Variants in SLC9B1 observed in about 807,000 individuals in gnomAD.
SLC9B1 encodes sodium/hydrogen exchanger 9B1.
Under a neutral mutation model 51.7 loss-of-function variants are expected in SLC9B1, and 32 were observed. The ratio of observed to expected loss-of-function variants is 0.62; its 90% CI spans 0.47 to 0.83. The LOEUF (loss-of-function observed/expected upper bound fraction) is 0.83, where lower values mean the gene tolerates loss of function less well. SLC9B1 is among the 40% of genes least tolerant of loss of function. SLC9B1 has a pLI of 0.00. For synonymous variants in SLC9B1, 145 were observed against 212.7 expected, an observed-to-expected ratio of 0.68 and a Z score of 2.77; for missense variants, 406 against 613.2, an observed-to-expected ratio of 0.66 and a Z score of 3.57.
At chr4:102,992,670 G>T (rs904750642) in intron 1 of SLC9B1, among the ~76,000 whole-genome samples, 2 of 152,050 alleles carry the variant, frequency 1.3e-5, no homozygotes, top group African/African-American at 4.8e-5. Flanking sequence ...TAAAAATTTT[G>T]ATCAGAAACT....
intron 11 of SLC9B1, chr4:102,889,112 A>G (rs1234246411): frequency 2.0e-5 from 3 of 152,240 alleles, no homozygotes; most frequent in Non-Finnish European, 4.4e-5. Context: ...TGATCGTAAC[A>G]TCTTCATGAC....
At chr4:102,905,926 T>C (rs1255384662) in intron 10 of SLC9B1, among the ~76,000 whole-genome samples, 2 of 152,058 alleles carry the variant, frequency 1.3e-5, no homozygotes, top group Non-Finnish European at 2.9e-5. Context: ...TGAATACTTT[T>C]ATTATTAATA....
At chr4:102,970,175 A>C (rs1376884411) in intron 3 of SLC9B1, among the ~76,000 whole-genome samples, 1 of 152,212 alleles carries the variant, frequency 6.6e-6, no homozygotes, top group Non-Finnish European at 1.5e-5. Flanking sequence ...CAACCCCAAG[A>C]CACATAATTG....
intron 7 of SLC9B1, among the ~76,000 whole-genome samples, chr4:102,920,602 C>G (rs1735822871): frequency 6.6e-6 from 1 of 152,158 alleles, no homozygotes; most frequent in East Asian, 1.9e-4. Context: ...TTGGTAATAA[C>G]AAACTTCTCC....
Position 102,993,723 on chromosome 4 carries a change from G to T in SLC9B1, c.-1-2011C>A, listed in dbSNP as rs577969992. On this transcript the variant is annotated intron_variant, in intron 1 of 11. Transcript: ENST00000296422. ...GGCTCTGCCACTGGAGTAAACTTCT[G>T]CCTGGATATCCAGGCATTTCTATAT... 2.0e-5 allele frequency among the ~76,000 whole-genome samples: 3 copies of T among 152,296 alleles called. No individual in the cohort carries two copies. In the South Asian group the frequency reaches 6.2e-4, roughly 32 times the overall value.
intron 10 of SLC9B1, 96 bp downstream of exon 10, chr4:102,906,437 CGTT>C: frequency 1.6e-6 from 1 of 622,144 alleles, no homozygotes; most frequent in East Asian, 3.3e-5. Flanking sequence ...TGAAGAAGGT[CGTT>C]GTAGCCAAAG....
In SLC9B1 at chr4:102,975,584, ATATTTTT is replaced by A. The variant is rs1216721351; in HGVS notation, c.211+14209_211+14215del. On this transcript the variant is annotated intron_variant, in intron 3 of 11. Transcript: ENST00000296422. ...TATATACATATATATATATATATATATATTTTTTTTTTTTTTTTTTTTTTTGAGGCTG... is the reference window on the plus strand; with the variant it reads ...TATATACATATATATATATATATATATTTTTTTTTTTTTTTTTTGAGGCTG... 8.7e-5 allele frequency among the ~76,000 whole-genome samples: 7 copies of A among 80,176 alleles called. No individual in the cohort carries two copies. The Admixed American group carries it at 8.8e-4, about 10-fold the overall frequency. The allele number at this position is 80,176 out of a possible 152,430, so 52.6% of individuals were successfully genotyped here. A position where few individuals can be genotyped will look rare whatever the true frequency, so the allele number is the denominator to read the frequency against.
chr4:102,974,242 G>GAAAAAAAAAA lies in SLC9B1; in HGVS notation c.211+15548_211+15557dup, dbSNP rs141412944. 4.3e-3 allele frequency among the ~76,000 whole-genome samples: 229 copies of GAAAAAAAAAA among 53,182 alleles called. 18 individuals are homozygous for GAAAAAAAAAA. The highest frequency in any genetic ancestry group is 6.5e-3 in the East Asian group (10 of 1,536). The allele number at this position is 53,182 out of a possible 152,430, so 34.9% of individuals were successfully genotyped here. A position where few individuals can be genotyped will look rare whatever the true frequency, so the allele number is the denominator to read the frequency against. ...ACAGAGCAAGACTCTGTCTAAAATTGAAAAAAAAAAAAAAAAAAAAAAAAT... is the reference window on the plus strand; with the variant it reads ...ACAGAGCAAGACTCTGTCTAAAATTGAAAAAAAAAAAAAAAAAAAAAAAAAAAAAAAAAAT... On this transcript the variant is annotated intron_variant, in intron 3 of 11. Transcript: ENST00000296422.
chr4:102,922,956 C>T (rs1370241732), intron 7 of SLC9B1, among the ~76,000 whole-genome samples: 1 of 152,110 alleles, frequency 6.6e-6, no homozygotes, highest in Non-Finnish European at 1.5e-5. Flanking sequence ...CAGATGGATT[C>T]ACAGCTGAAT....
chr4:102,991,628 C>T lies in SLC9B1; in HGVS notation c.69+15G>A, dbSNP rs1452778399. 1.3e-6 allele frequency: 2 copies of T among 1,534,256 alleles called. No homozygotes were observed. Among genetic ancestry groups the T allele is most frequent in the Admixed American group, 3.7e-5 (2 of 54,454 alleles). ...ATTTTATATCATATATTACAGTATA[C>T]TTTTAAGTTTTTACCTGAGGAGTTG... On this transcript the variant is annotated intron_variant, in intron 2 of 11. Transcript: ENST00000296422.
At chr4:102,930,277 G>T (rs545340642) in intron 7 of SLC9B1, among the ~76,000 whole-genome samples, 46 of 152,288 alleles carry the variant, frequency 3.0e-4, no homozygotes, top group African/African-American at 1.1e-3. Flanking sequence ...ACCCTGGTAG[G>T]ACATGATATT....
chr4:102,905,411 A>G, intron 11 of SLC9B1, 103 bp downstream of exon 11: 2 of 1,148,424 alleles, frequency 1.7e-6, no homozygotes, highest in Non-Finnish European at 1.3e-6. Context: ...TTTAAAAAGT[A>G]AGGATAATAG....
chr4:102,893,141 G>T (rs1212169133), intron 11 of SLC9B1, among the ~76,000 whole-genome samples: 1 of 151,732 alleles, frequency 6.6e-6, no homozygotes, highest in Non-Finnish European at 1.5e-5. Context: ...AATTAGCTGG[G>T]CATGATGGCG....
At chr4:102,951,410 A>G (rs1170117888) in intron 3 of SLC9B1, among the ~76,000 whole-genome samples, 8 of 152,208 alleles carry the variant, frequency 5.3e-5, no homozygotes, top group African/African-American at 1.9e-4. Flanking sequence ...AAAGAATGGG[A>G]TTAGATGTCT....
chr4:103,016,134 C>CAAAAAAA (rs61227731), intron 1 of SLC9B1, among the ~76,000 whole-genome samples: 6 of 49,628 alleles, frequency 1.2e-4, no homozygotes, highest in Admixed American at 5.8e-4. Flanking sequence ...AACTCTGTCT[C>CAAAAAAA]AAAAAAAAAA....
intron 3 of SLC9B1, among the ~76,000 whole-genome samples, chr4:102,955,899 A>AAGAGAG: frequency 9.3e-6 from 1 of 107,962 alleles, no homozygotes; most frequent in East Asian, 2.5e-4. Context: ...GAAAGAAAGA[A>AAGAGAG]AGAGAGAGAA....
intron 5 of SLC9B1, among the ~76,000 whole-genome samples, chr4:102,945,896 A>G (rs1177860664): frequency 2.6e-5 from 4 of 151,974 alleles, no homozygotes; most frequent in East Asian, 1.9e-4. Flanking sequence ...ATGAATAGTC[A>G]TCTTCTTATA....
At position 103,008,793 on chromosome 4, in the gene SLC9B1, G is replaced by GTTTTT. The variant is rs1237545163; in HGVS notation, c.-2+10805_-2+10806insAAAAA. On this transcript the variant is annotated intron_variant, in intron 1 of 11. Transcript: ENST00000296422. Reference sequence around the variant, plus strand: ...CTTAGATGATCTAAGGGCTTTAACAGTTTCTTTTTTTTTTTTTTTTTTTTG... The same window carrying GTTTTT: ...CTTAGATGATCTAAGGGCTTTAACAGTTTTTTTTCTTTTTTTTTTTTTTTTTTTTG... Among the ~76,000 whole-genome samples, 2 of 115,442 alleles carry GTTTTT rather than the reference G, an allele frequency of 1.7e-5. 1 individual carries two copies. The highest frequency in any genetic ancestry group is 7.5e-5 in the African/African-American group (2 of 26,764). The allele number at this position is 115,442 out of a possible 152,430, so 75.7% of individuals were successfully genotyped here.
At chr4:102,911,073 T>C (rs1735313908) in intron 8 of SLC9B1, among the ~76,000 whole-genome samples, 1 of 152,162 alleles carries the variant, frequency 6.6e-6, no homozygotes, top group Non-Finnish European at 1.5e-5. Context: ...TCAGAAAATA[T>C]GCAGAAATAA....
Sources: gnomAD v4.1 joint callset for allele counts (sites outside exome capture counted in the v4.1 genomes callset) on GRCh38, gnomAD v4.1.1 for gene constraint, MANE v1.5 for transcripts, NCBI Gene and HGNC (gene_info 2026-07-23, HGNC 2026-07-21) for gene names.